The following MID1 variants were observed in gnomAD, a reference collection of about 807,000 sequenced individuals.
The protein encoded by MID1 is midline 1.
Under a neutral mutation model 40.4 loss-of-function variants are expected in MID1, and 7 were observed. That is an observed-to-expected ratio of 0.17 (90% confidence interval 0.10 to 0.33). The LOEUF is 0.33. Among genes scored for constraint, MID1 ranks in the 10% least tolerant of loss-of-function variants. The pLI is 1.00. For missense variants in MID1, 367 were observed against 558.5 expected (o/e 0.66, Z 3.46); for synonymous variants, 229 against 221.2 (o/e 1.04, Z -0.31).
intron 1 of MID1, among the ~76,000 whole-genome samples, chrX:10,793,345 A>T (rs1048990899): frequency 8.9e-6 from 1 of 112,547 alleles, no homozygotes; most frequent in Admixed American, 9.4e-5. Context: ...TGATTGGCAA[A>T]GGCCATGCAT....
chrX:10,704,950 G>C (rs1224450288), intron 1 of MID1, among the ~76,000 whole-genome samples: 1 of 109,588 alleles, frequency 9.1e-6, no homozygotes, highest in Non-Finnish European at 1.9e-5. Context: ...TTTTAGTAGA[G>C]ACAAGGTTTC....
intron 1 of MID1, among the ~76,000 whole-genome samples, chrX:10,801,231 T>A (rs1465727776): frequency 1.8e-5 from 2 of 112,287 alleles, no homozygotes; most frequent in African/African-American, 6.5e-5. Flanking sequence ...TGATTTTATT[T>A]CTTTCTTCAT....
chrX:10,832,102 C>T (rs111846680), intron 1 of MID1, among the ~76,000 whole-genome samples: 1,293 of 112,560 alleles, frequency 0.011, 13 homozygotes, highest in Non-Finnish European at 0.019. Flanking sequence ...TTGCATTGTC[C>T]CTTCTGTTCT....
Position 10,449,052 on chromosome X carries a change from C to A in MID1, c.*316G>T. On this transcript the variant is annotated 3_prime_UTR_variant, in exon 10 of 10. Coordinates refer to ENST00000317552, the MANE Select transcript of MID1 (RefSeq NM_000381.4). ...GTGATGAAATGAAGGTTGTAAATAG[C>A]TGATAAACTTATGGGCCTCTTAATG... is the stretch of plus-strand genomic sequence containing the variant. 1 of 232,369 alleles carries A rather than the reference C, an allele frequency of 4.3e-6. No individual in the cohort carries two copies. Among genetic ancestry groups the A allele is most frequent in the South Asian group, 1.5e-4 (1 of 6,670 alleles). 19.1% of individuals were successfully genotyped at this position (232,369 alleles called of 1,213,427 possible).
At chrX:10,487,255 C>A (rs1343236899) in intron 4 of MID1, among the ~76,000 whole-genome samples, 1 of 111,566 alleles carries the variant, frequency 9.0e-6, no homozygotes, top group Admixed American at 9.5e-5. Context: ...AAATTTAGAG[C>A]TGATCACTCC....
At chrX:10,601,644 T>C (rs1343297888) in intron 1 of MID1, among the ~76,000 whole-genome samples, 3 of 111,421 alleles carry the variant, frequency 2.7e-5, no homozygotes, top group African/African-American at 9.8e-5. Flanking sequence ...TCTCCCCTAA[T>C]AGTGTGGGGC....
intron 1 of MID1, among the ~76,000 whole-genome samples, chrX:10,644,164 A>T (rs1478450603): frequency 1.8e-5 from 2 of 111,913 alleles, no homozygotes; most frequent in Non-Finnish European, 3.8e-5. Flanking sequence ...TAAAAATAAT[A>T]AAAAAACAGT....
chrX:10,748,740 A>G (rs895821134), intron 1 of MID1, among the ~76,000 whole-genome samples: 9 of 112,011 alleles, frequency 8.0e-5, no homozygotes, highest in Non-Finnish European at 1.5e-4. Flanking sequence ...GAATAACTTA[A>G]TCTACTGTGT....
At chrX:10,591,969 T>C (rs1403540475) in intron 1 of MID1, among the ~76,000 whole-genome samples, 1 of 110,607 alleles carries the variant, frequency 9.0e-6, no homozygotes, top group African/African-American at 3.3e-5. Context: ...CTTACAACAA[T>C]ATGATGGATA....
At chrX:10,599,092 C>G (rs1935468807) in intron 1 of MID1, among the ~76,000 whole-genome samples, 1 of 111,727 alleles carries the variant, frequency 9.0e-6, no homozygotes, top group South Asian at 3.8e-4. Flanking sequence ...GACTTCTTAA[C>G]CCTTCAAGAA....
intron 1 of MID1, among the ~76,000 whole-genome samples, chrX:10,763,568 A>T (rs1602563065): frequency 9.0e-6 from 1 of 111,725 alleles, no homozygotes; most frequent in South Asian, 3.8e-4. Flanking sequence ...TCTATCATTG[A>T]TGAACATTTG....
intron 1 of MID1, among the ~76,000 whole-genome samples, chrX:10,615,052 T>C (rs1163707378): frequency 8.9e-6 from 1 of 112,284 alleles, no homozygotes; most frequent in Non-Finnish European, 1.9e-5. Flanking sequence ...TAAGAAGTCA[T>C]AAATTTCTAC....
intron 1 of MID1, among the ~76,000 whole-genome samples, chrX:10,577,172 C>CA (rs1399829366): frequency 8.9e-6 from 1 of 112,124 alleles, no homozygotes; most frequent in Admixed American, 9.5e-5. Context: ...TCTGTACTCT[C>CA]ATTCCTTACA....
At chrX:10,743,350 G>A (rs1174644921) in intron 1 of MID1, among the ~76,000 whole-genome samples, 1 of 112,451 alleles carries the variant, frequency 8.9e-6, no homozygotes, top group African/African-American at 3.2e-5. Context: ...ATTGGCCAAA[G>A]ATAAATACGA....
intron 1 of MID1, among the ~76,000 whole-genome samples, chrX:10,573,593 GACAA>G (rs1265775081): frequency 8.9e-6 from 1 of 111,962 alleles, no homozygotes; most frequent in Non-Finnish European, 1.9e-5. Context: ...TTTTGGTGGG[GACAA>G]ACAAACCACA....
chrX:10,778,464 A>G (rs1363182894), intron 1 of MID1, among the ~76,000 whole-genome samples: 1 of 112,009 alleles, frequency 8.9e-6, no homozygotes, highest in East Asian at 2.8e-4. Context: ...AATTGAAAAG[A>G]GTAGAAGGAA....
intron 1 of MID1, among the ~76,000 whole-genome samples, chrX:10,813,725 G>A (rs1457551354): frequency 9.0e-6 from 1 of 111,539 alleles, no homozygotes; most frequent in Non-Finnish European, 1.9e-5. Flanking sequence ...GGACCTACTA[G>A]CATCATTTTC....
At chrX:10,714,051 G>A (rs1414682288) in intron 1 of MID1, among the ~76,000 whole-genome samples, 3 of 111,909 alleles carry the variant, frequency 2.7e-5, no homozygotes, top group Non-Finnish European at 5.6e-5. Flanking sequence ...AGTTACCACT[G>A]CAGCACCATT....
intron 2 of MID1, among the ~76,000 whole-genome samples, chrX:10,551,301 A>G (rs1933900619): frequency 1.8e-5 from 2 of 112,457 alleles, no homozygotes; most frequent in African/African-American, 6.5e-5. Flanking sequence ...GGCCGATTGT[A>G]TATGTACATG....
Sources: gnomAD v4.1 joint callset for allele counts (sites outside exome capture counted in the v4.1 genomes callset) on GRCh38, gnomAD v4.1.1 for gene constraint, MANE v1.5 for transcripts, NCBI Gene and HGNC (gene_info 2026-07-23, HGNC 2026-07-21) for gene names.